The following DNAH7 variants were observed in gnomAD, a reference collection of about 807,000 sequenced individuals.
The protein encoded by DNAH7 is axonemal beta dynein heavy chain 7.
Under a neutral mutation model 444.6 loss-of-function variants are expected in DNAH7, and 397 were observed. The ratio of observed to expected loss-of-function variants is 0.89; its 90% CI spans 0.82 to 0.97. The LOEUF is 0.97. Ranked by LOEUF, DNAH7 falls within the 50% of genes least tolerant of loss-of-function variation. DNAH7 has a pLI of 0.00. For missense variants in DNAH7, 4,902 were observed against 4,800.8 expected, an observed-to-expected ratio of 1.02 and a Z score of -0.62; for synonymous variants, 1,636 against 1,624.4, an observed-to-expected ratio of 1.01 and a Z score of -0.17.
At chr2:195,893,117 G>T (rs899516772) in intron 30 of DNAH7, 3 of 148,002 alleles carry the variant, frequency 2.0e-5, no homozygotes, top group African/African-American at 7.3e-5. Context: ...CTAATTTTTT[G>T]TGTTTTTTTT....
At chr2:195,863,572 C>A (rs1261938272) in intron 41 of DNAH7, among the ~76,000 whole-genome samples, 2 of 152,114 alleles carry the variant, frequency 1.3e-5, no homozygotes, top group African/African-American at 2.4e-5. Flanking sequence ...GCTCTTAACT[C>A]CTTTGGGTTT....
Position 195,770,498 on chromosome 2 carries a change from C to T in DNAH7, c.11433+1162G>A, listed in dbSNP as rs781313370. Among the ~76,000 whole-genome samples, 18 of 152,152 alleles carry T rather than the reference C, an allele frequency of 1.2e-4. No individual in the cohort carries two copies. The Middle Eastern group carries it at 0.01, about 86-fold the overall frequency. On this transcript the variant is annotated intron_variant, in intron 61 of 64. Transcript: ENST00000312428. ...ACTTGTGTTCCTGGACCAGGCCCAGCTTGTTTTCTCTTGGCTTTACACTTG... is the reference window on the plus strand; with the variant it reads ...ACTTGTGTTCCTGGACCAGGCCCAGTTTGTTTTCTCTTGGCTTTACACTTG...
chr2:195,810,880 T>G (rs1051955551), intron 51 of DNAH7, among the ~76,000 whole-genome samples: 3 of 152,226 alleles, frequency 2.0e-5, no homozygotes, highest in Non-Finnish European at 4.4e-5. Flanking sequence ...ATGCATGGCA[T>G]TGAATTTGTC....
At chr2:195,841,674 T>G (rs1240911893) in intron 47 of DNAH7, among the ~76,000 whole-genome samples, 2 of 110,410 alleles carry the variant, frequency 1.8e-5, no homozygotes, top group Non-Finnish European at 4.6e-5. Flanking sequence ...ATTATTATTT[T>G]GTATTTTTTT....
At chr2:195,947,781 T>C (rs1311643747) in intron 19 of DNAH7, among the ~76,000 whole-genome samples, 2 of 152,232 alleles carry the variant, frequency 1.3e-5, no homozygotes, top group Non-Finnish European at 2.9e-5. Flanking sequence ...TATAGCAGAA[T>C]GATTTATAAT....
rs369425444 is a variant in DNAH7 at position 195,960,227 on chromosome 2, A to G, written c.2891+33T>C. On this transcript the variant is annotated intron_variant, in intron 18 of 64. Coordinates refer to ENST00000312428, the MANE Select transcript of DNAH7 (RefSeq NM_018897.3). ...TAAACACAAGTGATTTTGGTAACAT[A>G]GCATAAACATTGCCATATAAATATC... 8 of 1,524,338 alleles carry G rather than the reference A, an allele frequency of 5.2e-6. No individual in the cohort carries two copies. In the African/African-American group the frequency reaches 1.1e-4, roughly 21 times the overall value. The allele number at this position is 1,524,338 out of a possible 1,614,324, so 94.4% of individuals were successfully genotyped here. A position where few individuals can be genotyped will look rare whatever the true frequency, so the allele number is the denominator to read the frequency against.
In DNAH7 at chr2:195,830,059, A is replaced by G. The variant is rs541449697; in HGVS notation, c.9100+4147T>C. The stretch of plus-strand genomic sequence containing the variant: ...TCGTTATTTTATTTTGACTCCTTTA[A>G]CTTTTAATTAGATCAAAATATATAC... On this transcript the variant is annotated intron_variant, in intron 48 of 64. Transcript: ENST00000312428. 8.5e-5 allele frequency among the ~76,000 whole-genome samples: 13 copies of G among 152,286 alleles called. No individual in the cohort carries two copies. The South Asian group carries it at 1.2e-3, about 15-fold the overall frequency.
rs116352827 is a variant in DNAH7, at chr2:195,756,164, T to C, written c.11555A>G (p.Asn3852Ser). ...GAATTTTAGTCTTGCAAGGAAGTCA[T>C]TCACATAGCTGCCAAGTGGTTTAAG... The part of the protein sequence containing the change: ...PSLKPLGSYV[N>S]DFLARLKFLQ... Residue 3852 changes from asparagine to serine, a missense_variant, in exon 62 of 65, where the codon AAT becomes AGT. Physicochemically the swap from Asn to Ser is conservative, Grantham distance 46 (BLOSUM62 1). Coordinates refer to ENST00000312428, the MANE Select transcript of DNAH7 (RefSeq NM_018897.3). 3.1e-3 allele frequency: 4,921 copies of C among 1,607,940 alleles called. 131 individuals carry two copies. The African/African-American group carries it at 0.057, about 19-fold the overall frequency.
At position 195,872,326 on chromosome 2, in the gene DNAH7, A is replaced by AC; in HGVS notation, c.6556dup (p.Val2186GlyfsTer20). 6.2e-7 allele frequency: 1 copy of AC among 1,613,976 alleles called. No homozygotes were observed. Among genetic ancestry groups the AC allele is most frequent in the Non-Finnish European group, 8.5e-7 (1 of 1,179,940 alleles). ...TCTTGACAAACAAACACCTTGAATG[A>AC]CACGGGAGAAATCACGGAGGTTGAA... is the stretch of plus-strand genomic sequence containing the variant. On this transcript the variant is annotated frameshift_variant, in exon 40 of 65. Transcript: ENST00000312428. LOFTEE classifies it high-confidence loss of function.
chr2:195,911,587 G>A (rs909326156), intron 24 of DNAH7, among the ~76,000 whole-genome samples: 5 of 152,048 alleles, frequency 3.3e-5, no homozygotes, highest in Admixed American at 3.3e-4. Flanking sequence ...ACAATAAAGA[G>A]AAATCTTAAA....
chr2:195,976,743 C>CAGAGAGAGAGAG (rs1692212889), intron 15 of DNAH7, among the ~76,000 whole-genome samples: 3 of 18,350 alleles, frequency 1.6e-4, no homozygotes, highest in Admixed American at 5.6e-4. Context: ...GACAGAGAGG[C>CAGAGAGAGAGAG]AGACAGAGAG....
intron 47 of DNAH7, among the ~76,000 whole-genome samples, chr2:195,839,652 AT>A (rs1288730778): frequency 6.6e-6 from 1 of 151,726 alleles, no homozygotes; most frequent in Non-Finnish European, 1.5e-5. Context: ...GAATACACAA[AT>A]TATCAAATCA....
intron 5 of DNAH7, among the ~76,000 whole-genome samples, chr2:196,038,114 G>C (rs1696509185): frequency 6.6e-6 from 1 of 151,630 alleles, no homozygotes; most frequent in Non-Finnish European, 1.5e-5. Context: ...TATTCAAAGT[G>C]CTAAAAGAAA....
At chr2:195,963,611 T>A (rs1031708725) in intron 17 of DNAH7, among the ~76,000 whole-genome samples, 1 of 152,214 alleles carries the variant, frequency 6.6e-6, no homozygotes, top group Non-Finnish European at 1.5e-5. Context: ...AGTTTTTAAC[T>A]GGATGTGATC....
chr2:195,925,790 T>G (rs1301352503), intron 22 of DNAH7, among the ~76,000 whole-genome samples: 1 of 152,208 alleles, frequency 6.6e-6, no homozygotes, highest in East Asian at 1.9e-4. Flanking sequence ...TAGTTTCCAG[T>G]TGACCCCTCA....
chr2:196,056,448 G>GT lies in DNAH7; in HGVS notation c.78+1605dup, dbSNP rs1372755949. ...AAAAAAAAAAAAAGAAAAAAGAAAT[G>GT]TTTTTTCTTTTCTGCAGGGGGAATC... On this transcript the variant is annotated intron_variant, in intron 2 of 64. Transcript: ENST00000312428. Among the ~76,000 whole-genome samples the GT allele has an allele frequency of 9.9e-5, 15 of 150,888 alleles. 1 individual carries two copies. The East Asian group carries it at 2.6e-3, about 26-fold the overall frequency.
chr2:195,794,661 C>T (rs1289878984), intron 56 of DNAH7, 123 bp from the exon 57 acceptor site: 3 of 862,904 alleles, frequency 3.5e-6, no homozygotes, highest in Non-Finnish European at 5.4e-6. Context: ...AATGTAACTG[C>T]TGCAATTTTC....
intron 2 of DNAH7, among the ~76,000 whole-genome samples, chr2:196,057,723 A>G (rs1697894894): frequency 6.6e-6 from 1 of 152,170 alleles, no homozygotes; most frequent in Non-Finnish European, 1.5e-5. Flanking sequence ...TTGAATTGAA[A>G]CTCCACTTAA....
intron 63 of DNAH7, among the ~76,000 whole-genome samples, chr2:195,743,853 A>G (rs1250010939): frequency 6.6e-6 from 1 of 152,242 alleles, no homozygotes; most frequent in Non-Finnish European, 1.5e-5. Flanking sequence ...TGTATCAGCT[A>G]TTATAAATTA....
Sources: allele counts gnomAD v4.1 joint callset (sites outside exome capture counted in the v4.1 genomes callset), GRCh38; gene constraint gnomAD v4.1.1; transcripts MANE v1.5; gene names NCBI Gene and HGNC (gene_info 2026-07-23, HGNC 2026-07-21).